Variants in FAT3 observed in about 807,000 individuals in gnomAD.
The protein encoded by FAT3 is FAT atypical cadherin 3, also known as protocadherin Fat 3.
FAT3 carries 95 observed loss-of-function variants against 310.2 expected under a neutral mutation model. The observed-to-expected ratio is 0.31, with a 90% CI of 0.26 to 0.36. The LOEUF is 0.36. FAT3 is among the 10% of genes least tolerant of loss of function. The probability of loss-of-function intolerance (pLI) is 1.00; values close to 1 mark genes in which losing one functional copy is unlikely to be tolerated. For missense variants in FAT3, 5,408 were observed against 5,715.6 expected, an observed-to-expected ratio of 0.95 and a Z score of 1.74; for synonymous variants, 2,314 against 2,192.9, an observed-to-expected ratio of 1.06 and a Z score of -1.54.
At position 92,353,992 on chromosome 11, in the gene FAT3, A is replaced by G. The variant is rs1199880272; in HGVS notation, c.1880A>G (p.Asn627Ser). ...SGNELGFFYLNPDSGVLQLKK... is the reference protein window; with the variant it reads ...SGNELGFFYLSPDSGVLQLKK... ...AATGAACTTGGCTTCTTTTATTTAAACCCAGATTCTGGTGTTTTACAGCTT... is the reference window on the plus strand; with the variant it reads ...AATGAACTTGGCTTCTTTTATTTAAGCCCAGATTCTGGTGTTTTACAGCTT... The change falls in exon 2 of 28, where the codon AAC becomes AGC. Residue 627 changes from asparagine to serine, a missense_variant. Asn to Ser is a conservative substitution (Grantham distance 46, BLOSUM62 1). Around this residue, in one of 5 missense-constraint regions of FAT3, gnomAD observed 4,588 missense variants for 4,809.8 expected, o/e 0.95. Transcript: ENST00000525166. The G allele has an allele frequency of 6.2e-7, 1 of 1,612,968 alleles. No individual in the cohort carries two copies. Among genetic ancestry groups the G allele is most frequent in the African/African-American group, 1.3e-5 (1 of 74,894 alleles).
chr11:92,697,452 G>T lies in FAT3; in HGVS notation c.3669+7G>T. 4 of 1,613,552 alleles carry T rather than the reference G, an allele frequency of 2.5e-6. No individual in the cohort carries two copies. Among genetic ancestry groups the T allele is most frequent in the East Asian group, 2.2e-5 (1 of 44,856 alleles). On this transcript the variant is annotated splice_region_variant and intron_variant, in intron 4 of 27. Transcript: ENST00000525166. The stretch of plus-strand genomic sequence containing the variant: ...GGCAGAACATTTTCTGGAGGTAAGC[G>T]CATAGAGGGAACTGAAATTCATTAA...
intron 3 of FAT3, among the ~76,000 whole-genome samples, chr11:92,677,965 A>G (rs1200397959): frequency 1.3e-5 from 2 of 152,174 alleles, no homozygotes; most frequent in Non-Finnish European, 2.9e-5. Flanking sequence ...GTTACACCCT[A>G]TGTAAATGAA....
intron 2 of FAT3, among the ~76,000 whole-genome samples, chr11:92,425,746 G>T (rs1424775156): frequency 3.9e-5 from 6 of 152,074 alleles, no homozygotes; most frequent in Admixed American, 1.3e-4. Flanking sequence ...GTATTCCATG[G>T]TGTATATGTG....
intron 22 of FAT3, among the ~76,000 whole-genome samples, chr11:92,867,619 G>T (rs1949281758): frequency 6.6e-6 from 1 of 152,228 alleles, no homozygotes; most frequent in South Asian, 2.1e-4. Flanking sequence ...ACATGAAATT[G>T]CTGACCAGAC....
At chr11:92,738,965 A>C (rs1945427847) in intron 4 of FAT3, among the ~76,000 whole-genome samples, 1 of 152,174 alleles carries the variant, frequency 6.6e-6, no homozygotes, top group Admixed American at 6.6e-5. Flanking sequence ...GTTGCTACTG[A>C]AGACTCAGAA....
intron 2 of FAT3, among the ~76,000 whole-genome samples, chr11:92,378,062 G>A (rs891813102): frequency 2.6e-5 from 4 of 152,070 alleles, no homozygotes; most frequent in South Asian, 2.1e-4. Flanking sequence ...ATTTAAGGTG[G>A]TGTCAAAAAT....
chr11:92,712,236 G>C (rs1186343785), intron 4 of FAT3, among the ~76,000 whole-genome samples: 1 of 152,036 alleles, frequency 6.6e-6, no homozygotes, highest in Non-Finnish European at 1.5e-5. Flanking sequence ...AGAAAGAAGA[G>C]CAGCCCCTGT....
intron 3 of FAT3, among the ~76,000 whole-genome samples, chr11:92,662,377 C>G (rs757244819): frequency 6.6e-6 from 1 of 152,152 alleles, no homozygotes; most frequent in Non-Finnish European, 1.5e-5. Flanking sequence ...GATGCCTCTT[C>G]TTTGAGGTCC....
At chr11:92,659,938 G>A (rs530162087) in intron 3 of FAT3, among the ~76,000 whole-genome samples, 12 of 152,242 alleles carry the variant, frequency 7.9e-5, no homozygotes, top group African/African-American at 2.6e-4. Context: ...GGAAAAAATG[G>A]CTGAAGCATC....
At chr11:92,240,767 A>G (rs918756712) in intron 1 of FAT3, among the ~76,000 whole-genome samples, 5 of 152,140 alleles carry the variant, frequency 3.3e-5, no homozygotes, top group African/African-American at 9.6e-5. Context: ...ATACATATCC[A>G]TTGACAAAAG....
chr11:92,388,467 A>G (rs1396613799), intron 2 of FAT3, among the ~76,000 whole-genome samples: 1 of 152,228 alleles, frequency 6.6e-6, no homozygotes, highest in African/African-American at 2.4e-5. Flanking sequence ...GCAATATGCA[A>G]AAGATGAAGA....
At chr11:92,870,256 A>G (rs1591835201) in intron 22 of FAT3, among the ~76,000 whole-genome samples, 1 of 152,168 alleles carries the variant, frequency 6.6e-6, no homozygotes, top group Non-Finnish European at 1.5e-5. Flanking sequence ...TCTAAGCCCA[A>G]TCAAACCCTT....
chr11:92,763,641 C>G (rs1318217314), intron 5 of FAT3, among the ~76,000 whole-genome samples: 1 of 152,216 alleles, frequency 6.6e-6, no homozygotes, highest in Non-Finnish European at 1.5e-5. Flanking sequence ...ATGCAAAAGT[C>G]CAATCCCCTT....
At chr11:92,575,325 G>C (rs1256285182) in intron 3 of FAT3, among the ~76,000 whole-genome samples, 2 of 152,048 alleles carry the variant, frequency 1.3e-5, no homozygotes, top group African/African-American at 4.8e-5. Context: ...GTTTTCTTCT[G>C]CTTCTCAGGC....
Position 92,859,035 on chromosome 11 carries a change from C to T in FAT3, c.11501-130C>T, listed in dbSNP as rs907607149. 7 of 722,998 alleles carry T rather than the reference C, an allele frequency of 9.7e-6. No homozygotes were observed. In the African/African-American group the frequency reaches 1.1e-4, roughly 11 times the overall value. 44.8% of individuals were successfully genotyped at this position (722,998 alleles called of 1,614,324 possible). A position where few individuals can be genotyped will look rare whatever the true frequency, so the allele number is the denominator to read the frequency against. ...TTTTTAATCAAAAATGATTTCTCCT[C>T]ATTGCCTTCATTAACTTCTCATGCA... On this transcript the variant is annotated intron_variant, in intron 20 of 27. Coordinates refer to ENST00000525166, the MANE Select transcript of FAT3 (RefSeq NM_001367949.2).
chr11:92,246,551 G>C (rs902818268), intron 1 of FAT3, among the ~76,000 whole-genome samples: 1 of 152,064 alleles, frequency 6.6e-6, no homozygotes, highest in African/African-American at 2.4e-5. Flanking sequence ...ATTTCAGCAG[G>C]GGGAGGAGGA....
chr11:92,660,186 T>G (rs1942732488), intron 3 of FAT3, among the ~76,000 whole-genome samples: 1 of 152,132 alleles, frequency 6.6e-6, no homozygotes, highest in Middle Eastern at 3.4e-3. Flanking sequence ...TTGTTTATTA[T>G]TTATTATTAT....
At chr11:92,516,832 C>CTA (rs1166117291) in intron 2 of FAT3, among the ~76,000 whole-genome samples, 3 of 152,184 alleles carry the variant, frequency 2.0e-5, no homozygotes, top group African/African-American at 7.2e-5. Context: ...ACAAGCATTC[C>CTA]TATACACCAA....
chr11:92,311,897 T>C (rs1947314111), intron 1 of FAT3, among the ~76,000 whole-genome samples: 1 of 152,174 alleles, frequency 6.6e-6, no homozygotes, highest in Non-Finnish European at 1.5e-5. Context: ...CAAAAGGAGA[T>C]GGCCCAGTGT....
Sources: allele counts gnomAD v4.1 joint callset (sites outside exome capture counted in the v4.1 genomes callset), GRCh38; gene constraint gnomAD v4.1.1; regional missense constraint gnomAD v4.1.1; transcripts MANE v1.5; gene names NCBI Gene and HGNC (gene_info 2026-07-23, HGNC 2026-07-21).